The following GAB2 variants were observed in gnomAD, a reference collection of about 807,000 sequenced individuals.
GAB2 encodes GRB2-associated-binding protein 2.
Under a neutral mutation model 65.5 loss-of-function variants are expected in GAB2, and 26 were observed. The ratio of observed to expected loss-of-function variants is 0.40; its 90% confidence interval spans 0.29 to 0.55. The LOEUF (loss-of-function observed/expected upper bound fraction) is 0.55, where lower values mean the gene tolerates loss of function less well. Ranked by LOEUF, GAB2 falls within the 20% of genes least tolerant of loss-of-function variation. The probability of loss-of-function intolerance (pLI) is 0.53; values close to 1 mark genes in which losing one functional copy is unlikely to be tolerated. For missense variants in GAB2, 884 were observed against 875.8 expected, an observed-to-expected ratio of 1.01 and a Z score of -0.12; for synonymous variants, 321 against 329.6, an observed-to-expected ratio of 0.97 and a Z score of 0.28.
chr11:78,220,383 CTCT>C lies in GAB2; in HGVS notation c.1820_1822del (p.Lys607del). 3 of 1,612,758 alleles carry C rather than the reference CTCT, an allele frequency of 1.9e-6. No individual in the cohort carries two copies. Among genetic ancestry groups the C allele is most frequent in the Non-Finnish European group, 2.5e-6 (3 of 1,179,120 alleles). On this transcript the variant is annotated inframe_deletion, in exon 9 of 10. Coordinates refer to ENST00000361507, the MANE Select transcript of GAB2 (RefSeq NM_080491.3). ...GGCCAGATAATCAACGCTGCCGGTG[CTCT>C]TCTTAGGGGCAGGACTGTTCGTGCC...
At chr11:78,320,923 G>A (rs1855711950) in intron 1 of GAB2, among the ~76,000 whole-genome samples, 1 of 152,022 alleles carries the variant, frequency 6.6e-6, no homozygotes, top group African/African-American at 2.4e-5. Context: ...AAACTGTGGT[G>A]GGCAATGGAG....
At chr11:78,230,806 T>A (rs111696539) in intron 3 of GAB2, among the ~76,000 whole-genome samples, 1,848 of 152,366 alleles carry the variant, frequency 0.012, 44 homozygotes, top group African/African-American at 0.042. Flanking sequence ...GCGCAAACCA[T>A]GCTAAAATGT....
At chr11:78,283,436 A>G (rs1353997145) in intron 1 of GAB2, among the ~76,000 whole-genome samples, 1 of 152,206 alleles carries the variant, frequency 6.6e-6, no homozygotes, top group Non-Finnish European at 1.5e-5. Flanking sequence ...CTCAGAAGAA[A>G]AAATTAAAAG....
chr11:78,297,367 C>CTTCAT, intron 1 of GAB2, among the ~76,000 whole-genome samples: 1 of 151,948 alleles, frequency 6.6e-6, no homozygotes, highest in East Asian at 1.9e-4. Context: ...GAAGAAAAAA[C>CTTCAT]TACAATGAAT....
At chr11:78,409,123 C>G (rs1857092074) in intron 1 of GAB2, among the ~76,000 whole-genome samples, 1 of 152,090 alleles carries the variant, frequency 6.6e-6, no homozygotes, top group Admixed American at 6.6e-5. Flanking sequence ...ATAACTATAT[C>G]ATCAGATATA....
chr11:78,237,090 T>C (rs1344801285), intron 3 of GAB2, among the ~76,000 whole-genome samples: 2 of 152,216 alleles, frequency 1.3e-5, no homozygotes, highest in Admixed American at 1.3e-4. Flanking sequence ...CCTCCTCCTA[T>C]GTTTTCTGAA....
At chr11:78,322,176 G>A (rs55991545) in intron 1 of GAB2, among the ~76,000 whole-genome samples, 7,552 of 150,894 alleles carry the variant, frequency 0.05, 596 homozygotes, top group African/African-American at 0.17. Context: ...GTGGTGGTAC[G>A]TGCCTGTAAT....
chr11:78,301,165 G>C (rs1483496977), intron 1 of GAB2, among the ~76,000 whole-genome samples: 1 of 152,130 alleles, frequency 6.6e-6, no homozygotes, highest in Non-Finnish European at 1.5e-5. Flanking sequence ...TATTCTGGAT[G>C]CAGTTGTCAG....
At chr11:78,262,411 G>C (rs972701059) in intron 2 of GAB2, among the ~76,000 whole-genome samples, 1 of 152,196 alleles carries the variant, frequency 6.6e-6, no homozygotes, top group Admixed American at 6.5e-5. Context: ...ATGGTAGCTG[G>C]CCCTCAGCAC....
At chr11:78,258,649 G>A (rs72948570) in intron 2 of GAB2, among the ~76,000 whole-genome samples, 319 of 151,082 alleles carry the variant, frequency 2.1e-3, no homozygotes, top group Non-Finnish European at 3.4e-3. Context: ...CCAGGTTGTA[G>A]TGCAGTGGCA....
chr11:78,315,958 A>G (rs565141450), intron 1 of GAB2, among the ~76,000 whole-genome samples: 138 of 152,176 alleles, frequency 9.1e-4, no homozygotes, highest in Non-Finnish European at 1.8e-3. Flanking sequence ...ACTGCCTGTC[A>G]GCATGGCCAG....
intron 1 of GAB2, among the ~76,000 whole-genome samples, chr11:78,319,161 T>A (rs761473716): frequency 1.3e-5 from 2 of 152,178 alleles, no homozygotes; most frequent in African/African-American, 2.4e-5. Context: ...AATAATCAGA[T>A]GAAAAACACC....
intron 2 of GAB2, among the ~76,000 whole-genome samples, chr11:78,274,125 T>C (rs1866097978): frequency 6.6e-6 from 1 of 152,102 alleles, no homozygotes; most frequent in Non-Finnish European, 1.5e-5. Context: ...ATTTAAAAAA[T>C]TTAGCTGGGT....
In GAB2 at chr11:78,218,439, C is replaced by T. The variant is rs544680444; in HGVS notation, c.*833G>A. On this transcript the variant is annotated 3_prime_UTR_variant, in exon 10 of 10. Coordinates refer to ENST00000361507, the MANE Select transcript of GAB2 (RefSeq NM_080491.3). The stretch of plus-strand genomic sequence containing the variant: ...GAGGGGACTGGGGAAGAGGACTAGC[C>T]CTTGGGCCTAGAGTGGCCTGTAGCT... The T allele has an allele frequency of 3.3e-5, 5 of 152,630 alleles. No individual in the cohort carries two copies. In the East Asian group the frequency reaches 9.6e-4, roughly 29 times the overall value. 9.5% of individuals were successfully genotyped at this position (152,630 alleles called of 1,614,324 possible). A position where few individuals can be genotyped will look rare whatever the true frequency, so the allele number is the denominator to read the frequency against.
intron 1 of GAB2, among the ~76,000 whole-genome samples, chr11:78,402,256 A>T (rs563570555): frequency 6.6e-6 from 1 of 151,950 alleles, no homozygotes; most frequent in South Asian, 2.1e-4. Context: ...CTTCTCTTGG[A>T]TTACTTCTAT....
At chr11:78,234,580 A>G (rs1334064222) in intron 3 of GAB2, among the ~76,000 whole-genome samples, 4 of 147,868 alleles carry the variant, frequency 2.7e-5, no homozygotes, top group African/African-American at 7.4e-5. Context: ...TAATAATTAT[A>G]TATATTTATA....
intron 1 of GAB2, among the ~76,000 whole-genome samples, chr11:78,377,521 G>A (rs966487625): frequency 1.3e-5 from 2 of 152,120 alleles, no homozygotes; most frequent in African/African-American, 4.8e-5. Flanking sequence ...ACATTGAGTC[G>A]GTAGCAGGGA....
At chr11:78,224,722 G>T (rs2134462915) in intron 5 of GAB2, among the ~76,000 whole-genome samples, 1 of 152,206 alleles carries the variant, frequency 6.6e-6, no homozygotes, top group Middle Eastern at 3.4e-3. Context: ...CTGCCACTTA[G>T]CCTGACTGTG....
chr11:78,336,326 CAAAAAAAAAAAAAAA>C lies in GAB2; in HGVS notation c.76-55440_76-55426del, dbSNP rs71046966. Among the ~76,000 whole-genome samples, 19 of 19,252 alleles carry C rather than the reference CAAAAAAAAAAAAAAA, an allele frequency of 9.9e-4. No homozygotes were observed. In the South Asian group the frequency reaches 0.029, roughly 29 times the overall value. 12.6% of individuals were successfully genotyped at this position (19,252 alleles called of 152,430 possible). A position where few individuals can be genotyped will look rare whatever the true frequency, so the allele number is the denominator to read the frequency against. Reference sequence around the variant, plus strand: ...CGGGCGACAGAGCGAGACTGTCTCTCAAAAAAAAAAAAAAAAAAAAAAAAAAAAAAAAAAAACACA... The same window carrying C: ...CGGGCGACAGAGCGAGACTGTCTCTCAAAAAAAAAAAAAAAAAAAAACACA... On this transcript the variant is annotated intron_variant, in intron 1 of 9. Coordinates refer to ENST00000361507, the MANE Select transcript of GAB2 (RefSeq NM_080491.3).
Sources: gnomAD v4.1 joint callset for allele counts (sites outside exome capture counted in the v4.1 genomes callset) on GRCh38, gnomAD v4.1.1 for gene constraint, MANE v1.5 for transcripts, NCBI Gene and HGNC (gene_info 2026-07-23, HGNC 2026-07-21) for gene names.